Variants in ADCY5 observed in about 807,000 individuals in gnomAD.
ADCY5 encodes adenylate cyclase type 5.
A neutral mutation model predicts 119.7 loss-of-function variants in ADCY5; 30 were observed. The observed-to-expected ratio is 0.25, with a 90% CI of 0.19 to 0.34. The LOEUF is 0.34. Ranked by LOEUF, ADCY5 falls within the 10% of genes least tolerant of loss-of-function variation. The pLI is 1.00. For missense variants in ADCY5, 1,324 were observed against 1,775.2 expected, an observed-to-expected ratio of 0.75 and a Z score of 4.57; for synonymous variants, 753 against 762.2, an observed-to-expected ratio of 0.99 and a Z score of 0.20.
rs1434659403 is a variant in ADCY5, at chr3:123,320,757, G to C, written c.2103C>G (p.Pro701=). The C allele has an allele frequency of 1.2e-6, 2 of 1,610,902 alleles. No homozygotes were observed. Among genetic ancestry groups the C allele is most frequent in the East Asian group, 4.5e-5 (2 of 44,870 alleles). Residue 701 remains proline (P), a synonymous_variant, in exon 9 of 21, where the codon CCC becomes CCG. Transcript: ENST00000462833. The part of the protein sequence containing the change: ...KEMKRMGFED[P]KDKNAQESAN... ...AAGGGCATATTACTCACTTGTCCTTGGGGTCTTCAAAGCCCTAGAAGAGAA... is the reference window on the plus strand; with the variant it reads ...AAGGGCATATTACTCACTTGTCCTTCGGGTCTTCAAAGCCCTAGAAGAGAA...
chr3:123,287,674 T>TC (rs1938873726), intron 19 of ADCY5, among the ~76,000 whole-genome samples: 1 of 152,180 alleles, frequency 6.6e-6, no homozygotes. Context: ...ACGACCCTCC[T>TC]CATCAGTCCT....
At chr3:123,370,734 CA>C (rs1367220622) in intron 1 of ADCY5, among the ~76,000 whole-genome samples, 1 of 152,178 alleles carries the variant, frequency 6.6e-6, no homozygotes, top group Non-Finnish European at 1.5e-5. Context: ...GCCTTGACCC[CA>C]ATACACCTGC....
chr3:123,363,577 C>A (rs1158597997), intron 1 of ADCY5, among the ~76,000 whole-genome samples: 1 of 152,166 alleles, frequency 6.6e-6, no homozygotes, highest in Non-Finnish European at 1.5e-5. Flanking sequence ...CAATTAGGAG[C>A]AGCTAAATGT....
At chr3:123,360,280 A>G (rs1943201454) in intron 1 of ADCY5, among the ~76,000 whole-genome samples, 1 of 152,074 alleles carries the variant, frequency 6.6e-6, no homozygotes, top group African/African-American at 2.4e-5. Context: ...CATCAAGCCC[A>G]TCTCTCTGCT....
chr3:123,347,756 T>A (rs1353681557), intron 3 of ADCY5, 26 bp downstream of exon 3: 2 of 1,613,248 alleles, frequency 1.2e-6, no homozygotes, highest in Non-Finnish European at 1.7e-6. Context: ...CTCCCTTCCA[T>A]CCTCCTCCCC....
At chr3:123,417,461 C>T (rs553884575) in intron 1 of ADCY5, among the ~76,000 whole-genome samples, 31 of 152,384 alleles carry the variant, frequency 2.0e-4, no homozygotes, top group African/African-American at 7.2e-4. Flanking sequence ...AAGCCCTTGC[C>T]CCCAGAACTC....
At chr3:123,359,109 T>C (rs926083727) in intron 1 of ADCY5, among the ~76,000 whole-genome samples, 3 of 135,732 alleles carry the variant, frequency 2.2e-5, no homozygotes, top group African/African-American at 7.5e-5. Flanking sequence ...CAGTTTGCTC[T>C]TTTATGCGGT....
intron 1 of ADCY5, among the ~76,000 whole-genome samples, chr3:123,355,618 G>C (rs895598202): frequency 6.7e-6 from 1 of 149,406 alleles, no homozygotes; most frequent in Non-Finnish European, 1.5e-5. Flanking sequence ...CAGAAACCAT[G>C]AAATACTTCA....
chr3:123,291,379 G>A lies in ADCY5; in HGVS notation c.3064-3C>T. On this transcript the variant is annotated splice_region_variant and splice_polypyrimidine_tract_variant and intron_variant, in intron 17 of 20. Coordinates refer to ENST00000462833, the MANE Select transcript of ADCY5 (RefSeq NM_183357.3). ...ATCTCCTCTTTCTCCTCTGTGGCCTGAGAGAAAAAGACTGCAAGTCACCCA... is the reference window on the plus strand; with the variant it reads ...ATCTCCTCTTTCTCCTCTGTGGCCTAAGAGAAAAAGACTGCAAGTCACCCA... 6.2e-7 allele frequency: 1 copy of A among 1,604,380 alleles called. No homozygotes were observed. The highest frequency in any genetic ancestry group is 8.5e-7 in the Non-Finnish European group (1 of 1,172,944).
chr3:123,316,351 G>T (rs1940911187), intron 11 of ADCY5, among the ~76,000 whole-genome samples: 1 of 152,204 alleles, frequency 6.6e-6, no homozygotes, highest in Non-Finnish European at 1.5e-5. Flanking sequence ...TCAACTACAT[G>T]CGACATGGGA....
intron 17 of ADCY5, among the ~76,000 whole-genome samples, chr3:123,292,216 C>G (rs991546032): frequency 3.3e-5 from 5 of 152,336 alleles, no homozygotes; most frequent in African/African-American, 1.2e-4. Context: ...AATGAAGACA[C>G]TTTTCTGCTC....
In ADCY5 at chr3:123,447,750, G is replaced by A. The variant is rs1191884136; in HGVS notation, c.796C>T (p.Leu266Phe). Residue 266 changes from leucine (L) to phenylalanine (F), a missense_variant, in exon 1 of 21, where the codon CTC (leucine) becomes TTC (phenylalanine). Physicochemically the swap from Leu to Phe is conservative, Grantham distance 22 (BLOSUM62 0). Around this residue, in one of 6 missense-constraint regions of ADCY5, gnomAD observed 585 missense variants for 569.9 expected, o/e 1.03. Transcript: ENST00000462833. ...MLAFHAARPP[L>F]QLPYLAVLAA... ...AGCACGGCCAGGTAGGGCAGCTGGA[G>A]CGGGGGCCGCGCCGCGTGGAAGGCC... The A allele has an allele frequency of 2.5e-6, 4 of 1,603,458 alleles. No homozygotes were observed. The highest frequency in any genetic ancestry group is 3.4e-6 in the Non-Finnish European group (4 of 1,173,510).
chr3:123,335,628 G>A (rs1269606667), intron 3 of ADCY5, among the ~76,000 whole-genome samples: 1 of 152,110 alleles, frequency 6.6e-6, no homozygotes, highest in Non-Finnish European at 1.5e-5. Flanking sequence ...GGACCCCTGG[G>A]AGCTGCTGCT....
chr3:123,289,288 C>G (rs1938983936), intron 19 of ADCY5, among the ~76,000 whole-genome samples: 2 of 152,122 alleles, frequency 1.3e-5, no homozygotes, highest in Non-Finnish European at 2.9e-5. Flanking sequence ...TCCATTTTTA[C>G]TGAATGAATG....
intron 18 of ADCY5, 109 bp from the exon 19 acceptor site, chr3:123,290,063 C>T: frequency 9.3e-7 from 1 of 1,072,256 alleles, no homozygotes; most frequent in South Asian, 1.5e-5. Context: ...CTTCATGTGT[C>T]CGCTCTTCAC....
intron 1 of ADCY5, among the ~76,000 whole-genome samples, chr3:123,359,362 A>ATATATATATATATATATATATATT (rs1943162312): frequency 1.6e-5 from 2 of 128,474 alleles, no homozygotes; most frequent in African/African-American, 5.9e-5. Flanking sequence ...ATATATATAT[A>ATATATATATATATATATATATATT]TTCATTATTT....
chr3:123,407,150 C>A (rs1944922297), intron 1 of ADCY5, among the ~76,000 whole-genome samples: 1 of 152,062 alleles, frequency 6.6e-6, no homozygotes, highest in Non-Finnish European at 1.5e-5. Flanking sequence ...ACCTCTGGGT[C>A]CCTCAAGGCC....
intron 1 of ADCY5, among the ~76,000 whole-genome samples, chr3:123,429,836 G>C (rs887072228): frequency 5.9e-5 from 9 of 152,102 alleles, no homozygotes; most frequent in Admixed American, 5.9e-4. Context: ...CTCTGCTGGG[G>C]AAGAGGCTGC....
chr3:123,409,990 CTT>C (rs1176140533), intron 1 of ADCY5, among the ~76,000 whole-genome samples: 1 of 152,176 alleles, frequency 6.6e-6, no homozygotes, highest in African/African-American at 2.4e-5. Flanking sequence ...TAATAAATCT[CTT>C]TTTCTACAGG....
Sources: allele counts gnomAD v4.1 joint callset (sites outside exome capture counted in the v4.1 genomes callset), GRCh38; gene constraint gnomAD v4.1.1; regional missense constraint gnomAD v4.1.1; transcripts MANE v1.5; gene names NCBI Gene and HGNC (gene_info 2026-07-23, HGNC 2026-07-21).